CCDC171: variants seen among roughly 807,000 people sequenced by gnomAD.
CCDC171 encodes coiled-coil domain containing 171.
Under a neutral mutation model 168.2 loss-of-function variants are expected in CCDC171, and 177 were observed. The ratio of observed to expected loss-of-function variants is 1.05; its 90% CI spans 0.93 to 1.19. The LOEUF is 1.19. Ranked by LOEUF, CCDC171 falls within the 50% of genes most tolerant of loss-of-function variation. CCDC171 has a pLI of 0.00. For synonymous variants in CCDC171, 687 were observed against 540.8 expected, an observed-to-expected ratio of 1.27 and a Z score of -3.75; for missense variants, 1,991 against 1,539.0, an observed-to-expected ratio of 1.29 and a Z score of -4.91.
intron 18 of CCDC171, among the ~76,000 whole-genome samples, chr9:15,761,588 T>A (rs2056446846): frequency 6.6e-6 from 1 of 152,168 alleles, no homozygotes; most frequent in Non-Finnish European, 1.5e-5. Context: ...ACAGTAAAGT[T>A]TGAGAAGAGA....
rs570369281 is a variant in CCDC171 at position 15,827,665 on chromosome 9, T to G, written c.3268-19037T>G. On this transcript the variant is annotated intron_variant, in intron 21 of 25. Coordinates refer to ENST00000380701, the MANE Select transcript of CCDC171 (RefSeq NM_173550.4). ...TTTCCATGTATCTGATATTGTCACC[T>G]GTTTTTTATTCCTAATTTTGCATCT... Among the ~76,000 whole-genome samples the G allele has an allele frequency of 1.7e-4, 26 of 152,336 alleles. No individual in the cohort carries two copies. The South Asian group carries it at 4.6e-3, about 27-fold the overall frequency.
intron 23 of CCDC171, among the ~76,000 whole-genome samples, chr9:15,873,558 A>G (rs1265153087): frequency 6.6e-6 from 1 of 152,100 alleles, no homozygotes; most frequent in Non-Finnish European, 1.5e-5. Flanking sequence ...TATTCCAAGC[A>G]TAAGGAAAGT....
At position 15,989,992 on chromosome 9, in the gene CCDC171, G is replaced by A. The variant is rs577672841; in HGVS notation, n.369-30597G>A. Among the ~76,000 whole-genome samples, 851 of 152,272 alleles carry A rather than the reference G, an allele frequency of 5.6e-3. 7 individuals are homozygous for A. The highest frequency in any genetic ancestry group is 8.6e-3 in the Non-Finnish European group (587 of 68,020). On this transcript the variant is annotated intron_variant and non_coding_transcript_variant, in intron 3 of 9. Coordinates refer to the CCDC171 transcript ENST00000486641. ...GTGACGGGGAGAAAGGAACCAAGTT[G>A]GAAAACACTCTGCAGGATATTATCC...
intron 24 of CCDC171, among the ~76,000 whole-genome samples, chr9:15,911,319 T>C (rs1281101267): frequency 2.0e-5 from 3 of 152,206 alleles, no homozygotes; most frequent in Admixed American, 6.5e-5. Flanking sequence ...TTTTTTCATA[T>C]GTTTGTTGGC....
chr9:16,007,923 T>C (rs1180846686), intron 3 of CCDC171, among the ~76,000 whole-genome samples: 1 of 152,196 alleles, frequency 6.6e-6, no homozygotes, highest in Non-Finnish European at 1.5e-5. Flanking sequence ...CATTTTCAAT[T>C]GGGTTATTTG....
In CCDC171 at chr9:15,723,700, T is replaced by G; in HGVS notation, c.1445T>G (p.Leu482Arg). The part of the protein sequence containing the change: ...ASNEEKACNE[L>R]DSTKQKIDSH... ...GTTAAGGAAAAGGCATGTAATGAAC[T>G]TGATTCTACGAAACAGAAGATAGAC... The change falls in exon 13 of 26, where the codon CTT (leucine) becomes CGT (arginine). Residue 482 changes from leucine to arginine, a missense_variant. By Grantham distance (102) the Leu-to-Arg change is moderately radical (BLOSUM62 -2). Coordinates refer to ENST00000380701, the MANE Select transcript of CCDC171 (RefSeq NM_173550.4). The G allele has an allele frequency of 6.3e-7, 1 of 1,593,444 alleles. No homozygotes were observed.
intron 7 of CCDC171, among the ~76,000 whole-genome samples, chr9:15,634,264 A>T (rs939454283): frequency 6.6e-6 from 1 of 152,186 alleles, no homozygotes; most frequent in Non-Finnish European, 1.5e-5. Flanking sequence ...TTAAAGATAT[A>T]ATTTGAATAA....
the CCDC171 span, among the ~76,000 whole-genome samples, chr9:16,093,459 C>T: frequency 6.6e-6 from 1 of 152,194 alleles, no homozygotes; most frequent in African/African-American, 2.4e-5. Flanking sequence ...ACTAACATTT[C>T]TTTTGAAGGA....
chr9:16,050,745 A>T (rs1310773448), intron 1 of CCDC171, among the ~76,000 whole-genome samples: 1 of 152,256 alleles, frequency 6.6e-6, no homozygotes. Flanking sequence ...TCCCTTTTGT[A>T]TATCTGCGTT....
At chr9:15,627,766 A>T (rs2045290718) in intron 7 of CCDC171, among the ~76,000 whole-genome samples, 1 of 152,002 alleles carries the variant, frequency 6.6e-6, no homozygotes, top group Non-Finnish European at 1.5e-5. Flanking sequence ...AGTAAGTGTG[A>T]TGTGGTGCTG....
downstream of CCDC171, among the ~76,000 whole-genome samples, chr9:15,974,974 G>T (rs1831575319): frequency 6.6e-6 from 1 of 151,998 alleles, no homozygotes; most frequent in Admixed American, 6.6e-5. Context: ...TCACAACGTT[G>T]CCCAGGCCGG....
chr9:16,086,344 G>A, the CCDC171 span, among the ~76,000 whole-genome samples: 3 of 146,348 alleles, frequency 2.0e-5, no homozygotes, highest in African/African-American at 7.6e-5. Context: ...GTCTTGCTCT[G>A]TTGATGAGGC....
rs771779837 is a variant in CCDC171, at chr9:15,745,561, C to T, written c.2601C>T (p.Leu867=). ...GTTGTTTACAAGCGCTCAGTTGGCT[C>T]ACCAGTTCTGACCTTCTTGCTGCAA... ...QLRCLQALSW[L]TSSDLLAAII... The change falls in exon 18 of 26, where the codon CTC becomes CTT. Residue 867 remains leucine, a synonymous_variant. Coordinates refer to ENST00000380701, the MANE Select transcript of CCDC171 (RefSeq NM_173550.4). 10 of 1,590,318 alleles carry T rather than the reference C, an allele frequency of 6.3e-6. No individual in the cohort carries two copies. Among genetic ancestry groups the T allele is most frequent in the African/African-American group, 1.4e-5 (1 of 73,214 alleles).
intron 16 of CCDC171, among the ~76,000 whole-genome samples, chr9:15,733,439 G>A (rs911819569): frequency 1.4e-5 from 2 of 145,164 alleles, no homozygotes; most frequent in African/African-American, 5.0e-5. Context: ...TCAATTTTGA[G>A]TTAGTTTCTG....
In CCDC171 at chr9:15,774,979, A is replaced by G. The variant is rs1459234044; in HGVS notation, c.2672-2621A>G. ...GAAAGGGTGAGGGGTGACGAGGGAT[A>G]AAAGACTACACATTGGGTGCAGTGT... On this transcript the variant is annotated intron_variant, in intron 18 of 25. Coordinates refer to ENST00000380701, the MANE Select transcript of CCDC171 (RefSeq NM_173550.4). Among the ~76,000 whole-genome samples the G allele has an allele frequency of 2.0e-5, 3 of 152,200 alleles. No homozygotes were observed. The East Asian group carries it at 5.8e-4, about 29-fold the overall frequency.
At chr9:15,906,538 T>C (rs964412962) in intron 24 of CCDC171, among the ~76,000 whole-genome samples, 1 of 152,190 alleles carries the variant, frequency 6.6e-6, no homozygotes, top group Non-Finnish European at 1.5e-5. Flanking sequence ...TAATAAGAGC[T>C]ATCTATGACA....
chr9:15,639,441 A>G (rs1299033637), intron 7 of CCDC171, among the ~76,000 whole-genome samples: 2 of 152,122 alleles, frequency 1.3e-5, no homozygotes, highest in African/African-American at 2.4e-5. Flanking sequence ...CATGTTAATC[A>G]GAATTTGCGA....
chr9:15,864,415 T>G (rs1411011984), intron 23 of CCDC171, among the ~76,000 whole-genome samples: 1 of 152,082 alleles, frequency 6.6e-6, no homozygotes, highest in Middle Eastern at 3.2e-3. Flanking sequence ...ACCCATTAAC[T>G]TGTCATTTAC....
At chr9:16,038,377 A>T (rs1044427702), upstream of CCDC171, among the ~76,000 whole-genome samples, 1 of 152,174 alleles carries the variant, frequency 6.6e-6, no homozygotes, top group African/African-American at 2.4e-5. Flanking sequence ...GACAGATTTT[A>T]AGGGTATAAA....
Sources: allele counts gnomAD v4.1 joint callset (sites outside exome capture counted in the v4.1 genomes callset), GRCh38; gene constraint gnomAD v4.1.1; transcripts MANE v1.5; gene names NCBI Gene and HGNC (gene_info 2026-07-23, HGNC 2026-07-21).